Variants in TAOK3 observed in about 807,000 individuals in gnomAD.
TAOK3 encodes TAO kinase 3.
In TAOK3, 40 loss-of-function variants were observed where a neutral mutation model predicts 120.4. The ratio of observed to expected loss-of-function variants is 0.33; its 90% CI spans 0.26 to 0.43. The LOEUF (loss-of-function observed/expected upper bound fraction) is 0.43, where lower values mean the gene tolerates loss of function less well. Among genes scored for constraint, TAOK3 ranks in the 20% least tolerant of loss-of-function variants. The pLI, the probability that TAOK3 is intolerant of heterozygous loss-of-function variation, is 1.00. For synonymous variants in TAOK3, 355 were observed against 387.5 expected (o/e 0.92, Z 0.99); for missense variants, 821 against 1,112.1 (o/e 0.74, Z 3.72).
At chr12:118,353,325 G>A (rs2045254138) in intron 1 of TAOK3, among the ~76,000 whole-genome samples, 1 of 152,120 alleles carries the variant, frequency 6.6e-6, no homozygotes, top group Admixed American at 6.5e-5. Flanking sequence ...CGTAGGCAGC[G>A]AGAAGCTCCA....
At chr12:118,324,022 A>G (rs974687870) in intron 1 of TAOK3, among the ~76,000 whole-genome samples, 2 of 152,210 alleles carry the variant, frequency 1.3e-5, no homozygotes, top group African/African-American at 2.4e-5. Context: ...CACAGCTGTG[A>G]ATAATACAGT....
chr12:118,336,838 G>A (rs1412092676), intron 1 of TAOK3, among the ~76,000 whole-genome samples: 1 of 152,166 alleles, frequency 6.6e-6, no homozygotes, highest in East Asian at 1.9e-4. Context: ...TTGGGAAGCC[G>A]ACGCAGGAGG....
At chr12:118,255,763 C>A in intron 2 of TAOK3, 108 bp from the exon 3 acceptor site, 2 of 523,774 alleles carry the variant, frequency 3.8e-6, no homozygotes, top group African/African-American at 2.0e-5. Context: ...AACTCAATAA[C>A]AAAAGGACAA....
intron 1 of TAOK3, among the ~76,000 whole-genome samples, chr12:118,344,549 G>A (rs1477925294): frequency 1.3e-5 from 2 of 151,786 alleles, no homozygotes; most frequent in Admixed American, 6.6e-5. Context: ...ATTCAATAAC[G>A]CAAAAAATAC....
chr12:118,324,813 C>T (rs554010597), intron 1 of TAOK3, among the ~76,000 whole-genome samples: 15 of 134,710 alleles, frequency 1.1e-4, no homozygotes, highest in East Asian at 6.9e-4. Context: ...GGCGCGATCT[C>T]GGCTCACTGC....
intron 14 of TAOK3, among the ~76,000 whole-genome samples, chr12:118,182,623 A>ATATTTTT (rs371125415): frequency 3.2e-5 from 3 of 92,416 alleles, no homozygotes; most frequent in African/African-American, 4.9e-5. Context: ...ATATATATAT[A>ATATTTTT]TTTTTTTTTT....
Position 118,314,257 on chromosome 12 carries a change from T to G in TAOK3, c.-193-47498A>C, listed in dbSNP as rs2043368275. Reference sequence around the variant, plus strand: ...TTTTACCCAAAATCAATGTTTCATATGGAATTTAGGTTTTCAGGTTTGTCC... The same window carrying G: ...TTTTACCCAAAATCAATGTTTCATAGGGAATTTAGGTTTTCAGGTTTGTCC... On this transcript the variant is annotated intron_variant, in intron 1 of 20. Coordinates refer to ENST00000392533, the MANE Select transcript of TAOK3 (RefSeq NM_016281.4). 3.9e-5 allele frequency among the ~76,000 whole-genome samples: 6 copies of G among 152,224 alleles called. No individual in the cohort carries two copies. In the South Asian group the frequency reaches 1.2e-3, roughly 31 times the overall value.
At chr12:118,342,509 CAT>C (rs929628918) in intron 1 of TAOK3, among the ~76,000 whole-genome samples, 7 of 152,106 alleles carry the variant, frequency 4.6e-5, no homozygotes, top group African/African-American at 1.7e-4. Context: ...CAGAAATCAA[CAT>C]AGTTAAAGCC....
chr12:118,274,051 C>G (rs1021574143), intron 1 of TAOK3, among the ~76,000 whole-genome samples: 1 of 151,752 alleles, frequency 6.6e-6, no homozygotes, highest in Admixed American at 6.6e-5. Context: ...TAGGACTAGT[C>G]GAGTATTTGG....
intron 1 of TAOK3, among the ~76,000 whole-genome samples, chr12:118,307,578 T>C (rs541849616): frequency 3.4e-4 from 52 of 152,286 alleles, no homozygotes; most frequent in Middle Eastern, 3.4e-3. Context: ...TGTGTATGTA[T>C]AAGTGTTTTT....
chr12:118,301,209 A>G (rs1337861222), intron 1 of TAOK3, among the ~76,000 whole-genome samples: 1 of 152,168 alleles, frequency 6.6e-6, no homozygotes, highest in Non-Finnish European at 1.5e-5. Flanking sequence ...GTGCTTAATA[A>G]ATGTTAGATA....
chr12:118,187,656 C>T (rs1011550103), intron 14 of TAOK3, among the ~76,000 whole-genome samples: 12 of 152,052 alleles, frequency 7.9e-5, no homozygotes, highest in African/African-American at 2.9e-4. Flanking sequence ...TGGTAAACTA[C>T]CATCAATCCC....
At chr12:118,183,996 T>C (rs2036924091) in intron 14 of TAOK3, among the ~76,000 whole-genome samples, 1 of 152,130 alleles carries the variant, frequency 6.6e-6, no homozygotes, top group African/African-American at 2.4e-5. Flanking sequence ...AGTTGGTGGG[T>C]GGGTGTCTGT....
In TAOK3 at chr12:118,217,816, CATATATATATATATAT is replaced by C. The variant is rs57197721; in HGVS notation, c.644-3722_644-3707del. Among the ~76,000 whole-genome samples, 265 of 45,982 alleles carry C rather than the reference CATATATATATATATAT, an allele frequency of 5.8e-3. 1 individual carries two copies. The highest frequency in any genetic ancestry group is 0.019 in the South Asian group (22 of 1,160). The allele number at this position is 45,982 out of a possible 152,430, so 30.2% of individuals were successfully genotyped here. On this transcript the variant is annotated intron_variant, in intron 9 of 20. Coordinates refer to ENST00000392533, the MANE Select transcript of TAOK3 (RefSeq NM_016281.4). ...GTATGTATGTGTGTGTGTGTGTATACATATATATATATATATATATATATATATATATATATATATA... is the reference window on the plus strand; with the variant it reads ...GTATGTATGTGTGTGTGTGTGTATACATATATATATATATATATATATATA...
intron 1 of TAOK3, among the ~76,000 whole-genome samples, chr12:118,274,775 C>T (rs897187954): frequency 7.9e-5 from 12 of 151,608 alleles, no homozygotes; most frequent in African/African-American, 2.4e-4. Context: ...ACTACAGGCA[C>T]GTGCGACCAC....
At chr12:118,190,427 TGCCTAGAACC>T (rs1261189998) in intron 13 of TAOK3, 1 of 155,716 alleles carries the variant, frequency 6.4e-6, no homozygotes, top group East Asian at 1.9e-4. Flanking sequence ...ATCATCGTTC[TGCCTAGAACC>T]AATGTAGGCT....
intron 9 of TAOK3, among the ~76,000 whole-genome samples, chr12:118,215,839 C>T (rs1342429181): frequency 2.0e-5 from 3 of 152,042 alleles, no homozygotes; most frequent in African/African-American, 7.2e-5. Flanking sequence ...GATCCTCAAC[C>T]TCTTGAGTAG....
intron 1 of TAOK3, among the ~76,000 whole-genome samples, chr12:118,277,025 TAA>T (rs1181757432): frequency 6.6e-6 from 1 of 152,196 alleles, no homozygotes; most frequent in African/African-American, 2.4e-5. Context: ...AAAACTGTAA[TAA>T]ACCTCTTATG....
intron 7 of TAOK3, 94 bp from the exon 8 acceptor site, chr12:118,235,765 T>TAAAC (rs1267569059): frequency 1.7e-5 from 13 of 774,168 alleles, no homozygotes; most frequent in South Asian, 1.1e-4. Flanking sequence ...AAAGTTTATT[T>TAAAC]AAACGAACAA....
Sources: gnomAD v4.1 joint callset for allele counts (sites outside exome capture counted in the v4.1 genomes callset) on GRCh38, gnomAD v4.1.1 for gene constraint, MANE v1.5 for transcripts, NCBI Gene and HGNC (gene_info 2026-07-23, HGNC 2026-07-21) for gene names.